The following JAZF1 variants were observed in gnomAD, a reference collection of about 807,000 sequenced individuals.
JAZF1 encodes JAZF zinc finger 1.
In JAZF1, 8 loss-of-function variants were observed where a neutral mutation model predicts 26.4. That is an observed-to-expected ratio of 0.30 (90% CI 0.18 to 0.55). The LOEUF is 0.55. Among genes scored for constraint, JAZF1 ranks in the 20% least tolerant of loss-of-function variants. The pLI, the probability that JAZF1 is intolerant of heterozygous loss-of-function variation, is 0.94. For synonymous variants in JAZF1, 126 were observed against 122.3 expected (o/e 1.03, Z -0.20); for missense variants, 199 against 322.0 (o/e 0.62, Z 2.92).
intron 1 of JAZF1, among the ~76,000 whole-genome samples, chr7:28,045,031 G>C (rs1783471212): frequency 6.6e-6 from 1 of 152,130 alleles, no homozygotes. Flanking sequence ...TGAATGAGGT[G>C]AGACCAGTGC....
At chr7:28,011,420 T>A (rs1382394404) in intron 1 of JAZF1, among the ~76,000 whole-genome samples, 3 of 152,218 alleles carry the variant, frequency 2.0e-5, no homozygotes, top group Admixed American at 6.5e-5. Flanking sequence ...GAGACATTAA[T>A]CTCATATTTG....
chr7:27,880,935 A>C (rs982522904), intron 3 of JAZF1, among the ~76,000 whole-genome samples: 1 of 152,166 alleles, frequency 6.6e-6, no homozygotes, highest in African/African-American at 2.4e-5. Context: ...TTGGCCTCCC[A>C]AATTGTTGGG....
chr7:27,995,620 T>C (rs547308616), intron 1 of JAZF1, among the ~76,000 whole-genome samples: 1 of 152,312 alleles, frequency 6.6e-6, no homozygotes, highest in Non-Finnish European at 1.5e-5. Context: ...GATAAATACC[T>C]ACACTAGCTT....
At chr7:27,889,764 T>A (rs374105871) in intron 3 of JAZF1, among the ~76,000 whole-genome samples, 4 of 152,058 alleles carry the variant, frequency 2.6e-5, no homozygotes, top group East Asian at 3.9e-4. Context: ...AAAACCCACC[T>A]CTACTAAAAA....
rs546362603 is a variant in JAZF1, at chr7:28,001,113, G to A, written c.116-9132C>T. The stretch of plus-strand genomic sequence containing the variant: ...TCATGTCTGTAATCCTAGCACTTTG[G>A]GAGGCCAAGGCAGGCAAATCACTTG... On this transcript the variant is annotated intron_variant, in intron 1 of 4. Transcript: ENST00000283928. Among the ~76,000 whole-genome samples, 349 of 151,922 alleles carry A rather than the reference G, an allele frequency of 2.3e-3. 2 individuals are homozygous for A. Among genetic ancestry groups the A allele is most frequent in the Non-Finnish European group, 3.8e-3 (257 of 67,954 alleles).
intron 1 of JAZF1, among the ~76,000 whole-genome samples, chr7:28,151,400 T>A (rs911902745): frequency 2.0e-5 from 3 of 151,404 alleles, no homozygotes; most frequent in African/African-American, 7.3e-5. Context: ...CCACCATACC[T>A]GGCTTGGAGG....
chr7:27,902,232 C>A (rs1191831680), intron 2 of JAZF1, among the ~76,000 whole-genome samples: 1 of 152,176 alleles, frequency 6.6e-6, no homozygotes, highest in Non-Finnish European at 1.5e-5. Context: ...ACTATATTAT[C>A]TTTATGAAAT....
chr7:27,999,064 G>C (rs1786080266), intron 1 of JAZF1, among the ~76,000 whole-genome samples: 1 of 152,100 alleles, frequency 6.6e-6, no homozygotes, highest in Non-Finnish European at 1.5e-5. Flanking sequence ...CCAAGCTCTC[G>C]CCTTGTTACT....
chr7:28,023,338 G>A (rs1783038826), intron 1 of JAZF1, among the ~76,000 whole-genome samples: 1 of 152,234 alleles, frequency 6.6e-6, no homozygotes, highest in Admixed American at 6.5e-5. Context: ...GGACAAAGCT[G>A]AGCTCCCACA....
At chr7:27,859,469 C>G (rs967681083) in intron 3 of JAZF1, among the ~76,000 whole-genome samples, 6 of 152,184 alleles carry the variant, frequency 3.9e-5, no homozygotes, top group African/African-American at 1.4e-4. Context: ...GACTTGGAAC[C>G]AACCCAAATG....
At chr7:27,983,583 T>C (rs1051279274) in intron 2 of JAZF1, among the ~76,000 whole-genome samples, 1 of 152,018 alleles carries the variant, frequency 6.6e-6, no homozygotes. Flanking sequence ...ACATTCAAAT[T>C]CAGGAAATAC....
intron 1 of JAZF1, among the ~76,000 whole-genome samples, chr7:28,025,455 A>G (rs922301196): frequency 1.6e-4 from 24 of 149,516 alleles, no homozygotes; most frequent in Non-Finnish European, 3.3e-4. Flanking sequence ...AGGTAAATAG[A>G]CTTGCTTTGG....
At chr7:28,077,944 GA>G (rs1784079232) in intron 1 of JAZF1, among the ~76,000 whole-genome samples, 2 of 152,196 alleles carry the variant, frequency 1.3e-5, no homozygotes, top group South Asian at 4.1e-4. Flanking sequence ...TACTATTTAA[GA>G]CCCACTATGT....
chr7:28,083,904 T>G (rs1222733842), intron 1 of JAZF1, among the ~76,000 whole-genome samples: 1 of 152,030 alleles, frequency 6.6e-6, no homozygotes, highest in Non-Finnish European at 1.5e-5. Context: ...CAACAATTTC[T>G]GCCAGCCTAA....
At chr7:28,094,137 T>C (rs187137843) in intron 1 of JAZF1, among the ~76,000 whole-genome samples, 4 of 152,298 alleles carry the variant, frequency 2.6e-5, no homozygotes, top group East Asian at 3.9e-4. Flanking sequence ...GTAATATGCA[T>C]AAATCAGCAA....
At chr7:28,177,673 G>C (rs1469371521) in intron 1 of JAZF1, among the ~76,000 whole-genome samples, 1 of 152,118 alleles carries the variant, frequency 6.6e-6, no homozygotes, top group Non-Finnish European at 1.5e-5. Flanking sequence ...TTCTTTTCAT[G>C]AATCTTTTTA....
chr7:28,121,938 A>T (rs1450277996), intron 1 of JAZF1, among the ~76,000 whole-genome samples: 2 of 152,214 alleles, frequency 1.3e-5, no homozygotes, highest in African/African-American at 2.4e-5. Flanking sequence ...AGCTGCCATC[A>T]CACCTAGAGG....
intron 3 of JAZF1, among the ~76,000 whole-genome samples, chr7:27,858,536 A>G (rs2128335645): frequency 6.6e-6 from 1 of 152,362 alleles, no homozygotes; most frequent in South Asian, 2.1e-4. Context: ...AAACAGATAT[A>G]TAGACCAGTG....
At chr7:28,057,609 C>G (rs1783733251) in intron 1 of JAZF1, among the ~76,000 whole-genome samples, 2 of 152,160 alleles carry the variant, frequency 1.3e-5, no homozygotes, top group South Asian at 4.2e-4. Flanking sequence ...TCTTCATGAC[C>G]CATCACCCAA....
Sources: allele counts gnomAD v4.1 joint callset (sites outside exome capture counted in the v4.1 genomes callset), GRCh38; gene constraint gnomAD v4.1.1; transcripts MANE v1.5; gene names NCBI Gene and HGNC (gene_info 2026-07-23, HGNC 2026-07-21).